MAP7D2: variants seen among roughly 807,000 people sequenced by gnomAD.
The protein encoded by MAP7D2 is MAP7 domain containing 2, also known as MAP7 domain-containing protein 2.
Under a neutral mutation model 63.5 loss-of-function variants are expected in MAP7D2, and 33 were observed. The ratio of observed to expected loss-of-function variants is 0.52; its 90% CI spans 0.39 to 0.70. The LOEUF (loss-of-function observed/expected upper bound fraction) is 0.70, where lower values mean the gene tolerates loss of function less well. Ranked by LOEUF, MAP7D2 falls within the 30% of genes least tolerant of loss-of-function variation. MAP7D2 has a pLI of 0.00. For missense variants in MAP7D2, 626 were observed against 604.0 expected (o/e 1.04, Z -0.38); for synonymous variants, 224 against 223.7 (o/e 1.00, Z -0.01).
In MAP7D2 at chrX:20,102,778, G is replaced by A. The variant is rs1455103395; in HGVS notation, c.130+13972C>T. ...CGGGTTTGGCTGTAATGGGCGGGGT[G>A]GGGGGGAGTCGTTCTAAGCTATGTG... On this transcript the variant is annotated intron_variant, in intron 1 of 16. Transcript: ENST00000379643. 2.8e-5 allele frequency among the ~76,000 whole-genome samples: 3 copies of A among 108,607 alleles called. No homozygotes were observed. The East Asian group carries it at 8.7e-4, about 32-fold the overall frequency. The allele number at this position is 108,607 out of a possible 115,157, so 94.3% of individuals were successfully genotyped here. A position where few individuals can be genotyped will look rare whatever the true frequency, so the allele number is the denominator to read the frequency against.
At chrX:20,015,508 T>C (rs995196808) in intron 11 of MAP7D2, among the ~76,000 whole-genome samples, 181 bp from the exon 12 acceptor site, 3 of 112,480 alleles carry the variant, frequency 2.7e-5, no homozygotes, top group Non-Finnish European at 5.6e-5. Flanking sequence ...TGGACCTCAT[T>C]CATATACCCC....
At chrX:20,113,856 T>C (rs1368986716) in intron 1 of MAP7D2, among the ~76,000 whole-genome samples, 1 of 111,973 alleles carries the variant, frequency 8.9e-6, no homozygotes, top group Non-Finnish European at 1.9e-5. Flanking sequence ...TAGTAGTTAT[T>C]TTTAAATGAA....
chrX:20,048,875 T>A (rs1404343901), intron 6 of MAP7D2, among the ~76,000 whole-genome samples: 3 of 110,003 alleles, frequency 2.7e-5, no homozygotes, highest in African/African-American at 1.0e-4. Context: ...TGAGCTATGA[T>A]CACATCACTG....
chrX:20,086,989 G>A (rs1370366244), intron 1 of MAP7D2, among the ~76,000 whole-genome samples: 1 of 111,312 alleles, frequency 9.0e-6, no homozygotes, highest in Non-Finnish European at 1.9e-5. Context: ...TTTCCAGGTG[G>A]GGAAACTGAG....
chrX:20,116,637 C>G (rs1225967355), intron 1 of MAP7D2, 113 bp downstream of exon 1: 15 of 1,027,774 alleles, frequency 1.5e-5, no homozygotes, highest in Non-Finnish European at 1.7e-5. Flanking sequence ...TATCTCAGCT[C>G]TGCGCCGTGC....
chrX:20,045,870 GA>G (rs2064787618), intron 6 of MAP7D2, among the ~76,000 whole-genome samples: 2 of 111,857 alleles, frequency 1.8e-5, no homozygotes, highest in Admixed American at 1.9e-4. Context: ...AGCTCCAAGA[GA>G]GTTGGCTTGA....
At chrX:20,104,920 G>A (rs1390256517) in intron 1 of MAP7D2, among the ~76,000 whole-genome samples, 1 of 112,360 alleles carries the variant, frequency 8.9e-6, no homozygotes, top group Admixed American at 9.4e-5. Flanking sequence ...TAAATGTAGT[G>A]CTGAAAACGC....
intron 4 of MAP7D2, among the ~76,000 whole-genome samples, chrX:20,056,228 G>C (rs756430175): frequency 3.7e-4 from 41 of 112,162 alleles, no homozygotes; most frequent in African/African-American, 1.3e-3. Context: ...TTGAAACAAA[G>C]TCGAAAAAGC....
At chrX:20,083,280 A>C (rs763965025) in intron 1 of MAP7D2, among the ~76,000 whole-genome samples, 1 of 112,357 alleles carries the variant, frequency 8.9e-6, no homozygotes, top group Non-Finnish European at 1.9e-5. Context: ...CGAGGCCTTC[A>C]GGGGAGAATT....
chrX:20,012,468 G>A lies in MAP7D2; in HGVS notation c.1953C>T (p.Pro651=). ...TAAGCCCATTAGAGAAAATGTCTTG[G>A]GGATAAGTTTCTGGGGCAGCGTGAT... ...GVDHAAPETY[P]QDIFSNGLKP... is the part of the protein sequence containing the mutation. Residue 651 remains proline (P), a synonymous_variant, in exon 15 of 17, where the codon CCC becomes CCT. Coordinates refer to ENST00000379643, the MANE Select transcript of MAP7D2 (RefSeq NM_001168465.2). 1 of 1,204,179 alleles carries A rather than the reference G, an allele frequency of 8.3e-7. No homozygotes were observed. The highest frequency in any genetic ancestry group is 1.1e-6 in the Non-Finnish European group (1 of 891,766).
chrX:20,114,360 CA>C (rs1269783444), intron 1 of MAP7D2, among the ~76,000 whole-genome samples: 3 of 112,466 alleles, frequency 2.7e-5, no homozygotes, highest in Non-Finnish European at 5.6e-5. Context: ...CACTGCACTC[CA>C]GCATGGACAA....
Position 20,044,483 on chromosome X carries a change from T to A in MAP7D2, c.760A>T (p.Asn254Tyr). 1 of 1,210,731 alleles carries A rather than the reference T, an allele frequency of 8.3e-7. No homozygotes were observed. The highest frequency in any genetic ancestry group is 1.8e-5 in the South Asian group (1 of 56,951). The change falls in exon 7 of 17, where the codon AAC becomes TAC. Residue 254 changes from asparagine (N) to tyrosine (Y), a missense_variant. Transcript: ENST00000379643. ...CPRLAPLGPLNPSYKSSPTRN... is the reference protein window; with the variant it reads ...CPRLAPLGPLYPSYKSSPTRN... ...GTGGGTGAAGACTTGTAAGAAGGGT[T>A]AAGAGGGCCAAGAGGAGCTAAACGA... is the stretch of plus-strand genomic sequence containing the variant.
chrX:20,093,846 C>G (rs2066137096), intron 1 of MAP7D2, among the ~76,000 whole-genome samples: 1 of 110,360 alleles, frequency 9.1e-6, no homozygotes, highest in Non-Finnish European at 1.9e-5. Context: ...GGTTGCATGA[C>G]TTAATATGCT....
intron 10 of MAP7D2, among the ~76,000 whole-genome samples, chrX:20,017,354 T>TA (rs1349910066): frequency 1.8e-5 from 2 of 112,155 alleles, no homozygotes; most frequent in Non-Finnish European, 3.8e-5. Context: ...AAAGTGCACC[T>TA]ATAAATCTGT....
At chrX:20,059,107 T>C (rs985260870) in intron 3 of MAP7D2, among the ~76,000 whole-genome samples, 1 of 112,380 alleles carries the variant, frequency 8.9e-6, no homozygotes, top group African/African-American at 3.2e-5. Context: ...CTAAGTCTAT[T>C]TGATAATGAC....
In MAP7D2 at chrX:20,115,238, T is replaced by C. The variant is rs755723570; in HGVS notation, c.130+1512A>G. ...CTCCCCTTCCCCAATTTTGTTTCCA[T>C]TAAAAAAAAAAAAAAAAAAACCCCT... On this transcript the variant is annotated intron_variant, in intron 1 of 16. Transcript: ENST00000379643. Among the ~76,000 whole-genome samples the C allele has an allele frequency of 2.0e-3, 189 of 92,888 alleles. 1 individual carries two copies. The highest frequency in any genetic ancestry group is 2.9e-3 in the Non-Finnish European group (137 of 47,513). The allele number at this position is 92,888 out of a possible 115,157, so 80.7% of individuals were successfully genotyped here. A position where few individuals can be genotyped will look rare whatever the true frequency, so the allele number is the denominator to read the frequency against.
intron 10 of MAP7D2, among the ~76,000 whole-genome samples, chrX:20,022,513 G>A (rs1044662944): frequency 9.9e-5 from 11 of 111,023 alleles, no homozygotes; most frequent in African/African-American, 3.6e-4. Flanking sequence ...CAGTCCAGGT[G>A]AGAAGCGATG....
chrX:20,096,698 T>C (rs186970583), intron 1 of MAP7D2, among the ~76,000 whole-genome samples: 65 of 111,176 alleles, frequency 5.8e-4, no homozygotes, highest in Non-Finnish European at 1.0e-3. Flanking sequence ...CAGATAGTGA[T>C]AATGGTTACA....
intron 1 of MAP7D2, among the ~76,000 whole-genome samples, chrX:20,110,058 T>C (rs1400385287): frequency 1.8e-5 from 2 of 108,530 alleles, no homozygotes; most frequent in African/African-American, 6.7e-5. Context: ...AAGATTCAGA[T>C]ATTCAGATAA....
Sources: gnomAD v4.1 joint callset for allele counts (sites outside exome capture counted in the v4.1 genomes callset) on GRCh38, gnomAD v4.1.1 for gene constraint, MANE v1.5 for transcripts, NCBI Gene and HGNC (gene_info 2026-07-23, HGNC 2026-07-21) for gene names.